The following PSD3 variants were observed in gnomAD, a reference collection of about 807,000 sequenced individuals.
The protein encoded by PSD3 is PH and SEC7 domain-containing protein 3.
A neutral mutation model predicts 105.5 loss-of-function variants in PSD3; 49 were observed. The ratio of observed to expected loss-of-function variants is 0.46; its 90% CI spans 0.37 to 0.59. The LOEUF (loss-of-function observed/expected upper bound fraction) is 0.59, where lower values mean the gene tolerates loss of function less well. Ranked by LOEUF, PSD3 falls within the 20% of genes least tolerant of loss-of-function variation. PSD3 has a pLI of 0.00. For missense variants in PSD3, 1,561 were observed against 1,263.8 expected (o/e 1.24, Z -3.57); for synonymous variants, 557 against 457.8 (o/e 1.22, Z -2.77).
intron 1 of PSD3, among the ~76,000 whole-genome samples, chr8:19,063,914 G>T (rs568162193): frequency 1.3e-5 from 2 of 152,254 alleles, no homozygotes; most frequent in Admixed American, 6.5e-5. Flanking sequence ...GGCCGAAGTG[G>T]GTGGATCACT....
intron 9 of PSD3, among the ~76,000 whole-genome samples, chr8:18,731,927 T>G (rs13265655): frequency 6.6e-6 from 1 of 152,144 alleles, no homozygotes; most frequent in Non-Finnish European, 1.5e-5. Flanking sequence ...CACAGCTATT[T>G]GAGGAGTCTG....
chr8:18,554,045 G>C (rs1347217779), intron 15 of PSD3, among the ~76,000 whole-genome samples: 1 of 152,182 alleles, frequency 6.6e-6, no homozygotes, highest in Non-Finnish European at 1.5e-5. Flanking sequence ...GCTGGCTCTT[G>C]GTGGGTTACA....
intron 10 of PSD3, among the ~76,000 whole-genome samples, chr8:18,633,901 T>C (rs1018969234): frequency 2.0e-5 from 3 of 152,144 alleles, no homozygotes; most frequent in African/African-American, 4.8e-5. Context: ...AGTGTTCCCT[T>C]TTCTCTGCAG....
At chr8:18,962,762 C>T (rs1372814328) in intron 1 of PSD3, among the ~76,000 whole-genome samples, 1 of 152,150 alleles carries the variant, frequency 6.6e-6, no homozygotes, top group Non-Finnish European at 1.5e-5. Context: ...ATACTATGAG[C>T]CAGGCAATGG....
At chr8:18,800,501 T>G (rs1337241633) in intron 7 of PSD3, among the ~76,000 whole-genome samples, 1 of 152,180 alleles carries the variant, frequency 6.6e-6, no homozygotes, top group East Asian at 1.9e-4. Context: ...TCTCAGTGAT[T>G]TACTCCATCA....
At chr8:18,750,168 G>T (rs1178486708) in intron 9 of PSD3, among the ~76,000 whole-genome samples, 4 of 152,158 alleles carry the variant, frequency 2.6e-5, no homozygotes, top group Non-Finnish European at 2.9e-5. Flanking sequence ...GTCTCAGTGG[G>T]CATTAGAACT....
chr8:18,683,833 G>T (rs1427127908), intron 9 of PSD3: 1 of 765,314 alleles, frequency 1.3e-6, no homozygotes, highest in East Asian at 2.4e-5. Context: ...TTTGACCTGT[G>T]AGACTGCCGC....
chr8:18,901,589 C>T (rs551517403), intron 2 of PSD3, among the ~76,000 whole-genome samples: 39 of 151,948 alleles, frequency 2.6e-4, no homozygotes, highest in African/African-American at 9.4e-4. Context: ...TGATTCTTTC[C>T]TCTTTCTCCT....
At chr8:18,960,048 G>C (rs949317472) in intron 1 of PSD3, among the ~76,000 whole-genome samples, 1 of 152,164 alleles carries the variant, frequency 6.6e-6, no homozygotes, top group East Asian at 1.9e-4. Flanking sequence ...ACCCATTATC[G>C]ATTCCTTGGA....
At chr8:19,066,040 G>A (rs73589548) in intron 1 of PSD3, among the ~76,000 whole-genome samples, 6,482 of 152,198 alleles carry the variant, frequency 0.043, 441 homozygotes, top group African/African-American at 0.15. Flanking sequence ...ATATTTCACA[G>A]TAACACAAAA....
intron 4 of PSD3, among the ~76,000 whole-genome samples, chr8:18,807,991 T>G (rs1479178820): frequency 6.6e-6 from 1 of 152,198 alleles, no homozygotes. Flanking sequence ...TTCAGTTTTG[T>G]GAAATCTATC....
intron 1 of PSD3, among the ~76,000 whole-genome samples, chr8:19,013,194 T>G (rs1460695701): frequency 6.6e-6 from 1 of 152,068 alleles, no homozygotes; most frequent in African/African-American, 2.4e-5. Flanking sequence ...TTTTTTTCTT[T>G]CTTTCTGACA....
intron 12 of PSD3, among the ~76,000 whole-genome samples, chr8:18,585,263 G>A (rs768554617): frequency 3.9e-5 from 6 of 152,298 alleles, no homozygotes; most frequent in South Asian, 2.1e-4. Context: ...TACACAGACT[G>A]CTGTAGGAAG....
At chr8:18,752,826 A>C (rs1456206059) in intron 9 of PSD3, among the ~76,000 whole-genome samples, 1 of 149,314 alleles carries the variant, frequency 6.7e-6, no homozygotes, top group Non-Finnish European at 1.5e-5. Flanking sequence ...TTGGGAGTGA[A>C]AGAAAGAGCA....
chr8:18,675,561 T>C (rs1800020315), intron 9 of PSD3, among the ~76,000 whole-genome samples: 1 of 152,058 alleles, frequency 6.6e-6, no homozygotes, highest in Non-Finnish European at 1.5e-5. Flanking sequence ...GACTAGAGCC[T>C]CAGCCAGCCC....
At chr8:19,077,265 G>C (rs1221506962) in intron 1 of PSD3, among the ~76,000 whole-genome samples, 1 of 152,188 alleles carries the variant, frequency 6.6e-6, no homozygotes. Context: ...CATTGTAAGT[G>C]CTTGAATAAT....
At chr8:18,888,413 G>A (rs1385785260) in intron 2 of PSD3, among the ~76,000 whole-genome samples, 1 of 151,914 alleles carries the variant, frequency 6.6e-6, no homozygotes, top group Non-Finnish European at 1.5e-5. Context: ...CTATTAATCT[G>A]GATTCCGTCA....
intron 8 of PSD3, among the ~76,000 whole-genome samples, chr8:18,783,107 T>G (rs554718661): frequency 6.6e-6 from 1 of 152,330 alleles, no homozygotes; most frequent in South Asian, 2.1e-4. Flanking sequence ...AATTCACAAG[T>G]AAAGCCATTT....
intron 1 of PSD3, among the ~76,000 whole-genome samples, chr8:19,029,763 T>C (rs779840217): frequency 1.3e-5 from 2 of 152,226 alleles, no homozygotes; most frequent in African/African-American, 2.4e-5. Context: ...AGTATTTTCA[T>C]GCTTTTTGAT....
Sources: allele counts gnomAD v4.1 joint callset (sites outside exome capture counted in the v4.1 genomes callset), GRCh38; gene constraint gnomAD v4.1.1; transcripts MANE v1.5; gene names NCBI Gene and HGNC (gene_info 2026-07-23, HGNC 2026-07-21).